ACSF2: variants seen among roughly 807,000 people sequenced by gnomAD.
ACSF2 encodes acyl-CoA synthetase family member 2, also known as medium-chain acyl-CoA ligase ACSF2, mitochondrial.
ACSF2 carries 52 observed loss-of-function variants against 79.3 expected under a neutral mutation model. That is an observed-to-expected ratio of 0.66 (90% CI 0.53 to 0.83). The LOEUF (loss-of-function observed/expected upper bound fraction) is 0.83, where lower values mean the gene tolerates loss of function less well. Among genes scored for constraint, ACSF2 ranks in the 40% least tolerant of loss-of-function variants. ACSF2 has a pLI of 0.00. For synonymous variants in ACSF2, 283 were observed against 312.6 expected, an observed-to-expected ratio of 0.91 and a Z score of 1.00; for missense variants, 661 against 803.3, an observed-to-expected ratio of 0.82 and a Z score of 2.14.
At position 50,473,957 on chromosome 17, in the gene ACSF2, G is replaced by T. The variant is rs771614752; in HGVS notation, c.1681G>T (p.Gly561Trp). 5 of 1,550,232 alleles carry T rather than the reference G, an allele frequency of 3.2e-6. No homozygotes were observed. The highest frequency in any genetic ancestry group is 2.3e-5 in the East Asian group (1 of 43,310). The stretch of plus-strand genomic sequence containing the variant: ...TTGTGCCTGCATTCGGCTGAAGGAC[G>T]GGGAGGAGACCACGGTGGAGGAGAT... ...EICACIRLKD[G>W]EETTVEEIKA... Residue 561 changes from glycine (G) to tryptophan (W), a missense_variant, in exon 14 of 16, where the codon GGG (glycine) becomes TGG (tryptophan). Coordinates refer to ENST00000300441, the MANE Select transcript of ACSF2 (RefSeq NM_025149.6).
At chr17:50,430,254 G>T (rs952267343) in intron 1 of ACSF2, among the ~76,000 whole-genome samples, 2 of 152,140 alleles carry the variant, frequency 1.3e-5, no homozygotes, top group Admixed American at 1.3e-4. Flanking sequence ...AAAATCTGAG[G>T]CCAAAGTAAT....
At chr17:50,461,515 A>T in intron 3 of ACSF2, 118 bp from the exon 4 acceptor site, 1 of 1,586,020 alleles carries the variant, frequency 6.3e-7, no homozygotes, top group Non-Finnish European at 8.6e-7. Context: ...CCCACCAAGG[A>T]GGTCTCTGGG....
At chr17:50,454,754 T>A (rs1478306631) in intron 1 of ACSF2, among the ~76,000 whole-genome samples, 3 of 152,096 alleles carry the variant, frequency 2.0e-5, no homozygotes, top group Non-Finnish European at 2.9e-5. Context: ...GGGTGTGTCA[T>A]GAGAGAAGAA....
intron 1 of ACSF2, among the ~76,000 whole-genome samples, chr17:50,456,041 G>C (rs745816438): frequency 6.6e-6 from 1 of 152,120 alleles, no homozygotes; most frequent in Non-Finnish European, 1.5e-5. Context: ...CCCTCACAAG[G>C]CATGAACAAT....
At chr17:50,446,600 A>G (rs1233073057) in intron 1 of ACSF2, among the ~76,000 whole-genome samples, 1 of 152,230 alleles carries the variant, frequency 6.6e-6, no homozygotes, top group Admixed American at 6.5e-5. Context: ...ACACCCATGT[A>G]ACCAGCACTC....
At chr17:50,469,123 A>G (rs996096286) in intron 10 of ACSF2, 21 of 798,736 alleles carry the variant, frequency 2.6e-5, no homozygotes, top group East Asian at 2.5e-4. Flanking sequence ...CCGCTCTCCT[A>G]TGGTGCTCCT....
chr17:50,468,188 C>G, intron 10 of ACSF2: 1 of 1,614,076 alleles, frequency 6.2e-7, no homozygotes, highest in Non-Finnish European at 8.5e-7. Flanking sequence ...TGAGGGGTAG[C>G]TGGACAGCTG....
At chr17:50,472,768 G>A in intron 12 of ACSF2, 189 bp downstream of exon 12, 2 of 591,932 alleles carry the variant, frequency 3.4e-6, no homozygotes, top group South Asian at 6.1e-5. Flanking sequence ...GAAAGCAACT[G>A]GGTCATCACC....
intron 6 of ACSF2, 191 bp downstream of exon 6, chr17:50,462,776 C>G (rs553917490): frequency 7.4e-6 from 5 of 678,682 alleles, no homozygotes; most frequent in Non-Finnish European, 9.7e-6. Context: ...CCTAGCCCCC[C>G]GCCCTCTCCA....
chr17:50,460,628 C>T (rs766731338), intron 1 of ACSF2, 49 bp from the exon 2 acceptor site: 3 of 1,553,342 alleles, frequency 1.9e-6, no homozygotes, highest in South Asian at 1.2e-5. Flanking sequence ...CCCTTGGTTC[C>T]AGGGAGACTG....
intron 1 of ACSF2, among the ~76,000 whole-genome samples, chr17:50,430,589 C>T (rs1169631664): frequency 1.3e-5 from 2 of 152,096 alleles, no homozygotes; most frequent in Non-Finnish European, 2.9e-5. Context: ...CGCTTAAACC[C>T]GGGAGGAGAA....
chr17:50,467,783 T>C (rs1405702070), intron 10 of ACSF2: 1 of 405,052 alleles, frequency 2.5e-6, no homozygotes, highest in Non-Finnish European at 4.4e-6. Flanking sequence ...TAGGGGGCCT[T>C]TTGTGGGGCC....
chr17:50,444,655 A>G (rs1434678542), intron 1 of ACSF2, among the ~76,000 whole-genome samples: 2 of 151,866 alleles, frequency 1.3e-5, no homozygotes, highest in East Asian at 3.9e-4. Context: ...ACACACACAC[A>G]CACACACACA....
rs1337424335 is a variant in ACSF2, at chr17:50,472,565, G to A, written c.1461G>A (p.Lys487=). The A allele has an allele frequency of 5.6e-6, 9 of 1,608,988 alleles. No homozygotes were observed. Among genetic ancestry groups the A allele is most frequent in the Non-Finnish European group, 7.6e-6 (9 of 1,177,764 alleles). ...QKTEEAVDQD[K]WYWTGDVATM... The stretch of plus-strand genomic sequence containing the variant: ...CAGAGGAAGCAGTGGATCAGGACAA[G>A]TGGTATTGGACAGGGTGAGAAGGCA... Residue 487 remains lysine (K), a synonymous_variant, in exon 12 of 16, where the codon AAG becomes AAA. Transcript: ENST00000300441.
Position 50,463,611 on chromosome 17 carries a change from T to G in ACSF2, c.1046+59T>G. ...ATAAAACCCTCTTCTTCCTCACTCC[T>G]GGGCCCTGACACCTTTCCAAGCTGC... On this transcript the variant is annotated intron_variant, in intron 8 of 15. Coordinates refer to ENST00000300441, the MANE Select transcript of ACSF2 (RefSeq NM_025149.6). This position sits in a 1 kb window ranked among gnomAD's most constrained non-coding sequence, Gnocchi z 4.6. 1.3e-6 allele frequency: 2 copies of G among 1,589,012 alleles called. No individual in the cohort carries two copies. The highest frequency in any genetic ancestry group is 1.2e-5 in the South Asian group (1 of 86,654).
chr17:50,460,924 G>A, intron 2 of ACSF2, 52 bp downstream of exon 2: 2 of 1,552,800 alleles, frequency 1.3e-6, no homozygotes, highest in Non-Finnish European at 1.7e-6. Context: ...CTCCCAAGCT[G>A]CCCTAGCTGG....
chr17:50,438,307 T>A (rs762449241), intron 1 of ACSF2, among the ~76,000 whole-genome samples: 1 of 152,240 alleles, frequency 6.6e-6, no homozygotes, highest in Non-Finnish European at 1.5e-5. Flanking sequence ...GATATTAGTT[T>A]TACCTGCTGT....
chr17:50,448,294 A>G (rs1165747125), intron 1 of ACSF2, among the ~76,000 whole-genome samples: 1 of 152,250 alleles, frequency 6.6e-6, no homozygotes, highest in East Asian at 1.9e-4. Context: ...ACAATATTAC[A>G]ATATAATCTT....
chr17:50,431,665 T>A (rs2029938136), intron 1 of ACSF2, among the ~76,000 whole-genome samples: 1 of 152,174 alleles, frequency 6.6e-6, no homozygotes, highest in Admixed American at 6.5e-5. Flanking sequence ...CAGATCATTT[T>A]AAAATTTTTT....
Sources: allele counts gnomAD v4.1 joint callset (sites outside exome capture counted in the v4.1 genomes callset), GRCh38; gene constraint gnomAD v4.1.1; non-coding constraint Gnocchi (gnomAD v3.1); transcripts MANE v1.5; gene names NCBI Gene and HGNC (gene_info 2026-07-23, HGNC 2026-07-21).